Variants in PAFAH1B1 observed in about 807,000 individuals in gnomAD.
PAFAH1B1 encodes platelet activating factor acetylhydrolase 1b regulatory subunit 1.
Under a neutral mutation model 57.5 loss-of-function variants are expected in PAFAH1B1, and 2 were observed. The ratio of observed to expected loss-of-function variants is 0.03; its 90% CI spans 0.01 to 0.11. PAFAH1B1 has a LOEUF of 0.11. Ranked by LOEUF, PAFAH1B1 falls within the 10% of genes least tolerant of loss-of-function variation. The pLI is 1.00. For synonymous variants in PAFAH1B1, 152 were observed against 169.6 expected, an observed-to-expected ratio of 0.90 and a Z score of 0.81; for missense variants, 257 against 512.0, an observed-to-expected ratio of 0.50 and a Z score of 4.81.
At chr17:2,678,423 G>A (rs2069308032) in intron 9 of PAFAH1B1, among the ~76,000 whole-genome samples, 1 of 140,960 alleles carries the variant, frequency 7.1e-6, no homozygotes, top group African/African-American at 2.7e-5. Context: ...AAAAAAACCC[G>A]GGCATGGTGG....
At chr17:2,668,832 C>T (rs1026772251) in intron 5 of PAFAH1B1, among the ~76,000 whole-genome samples, 2 of 151,788 alleles carry the variant, frequency 1.3e-5, no homozygotes, top group African/African-American at 2.4e-5. Flanking sequence ...AAAAATTAGC[C>T]GGGAGTGATG....
Position 2,619,099 on chromosome 17 carries a change from T to A in PAFAH1B1, c.-190-19000T>A, listed in dbSNP as rs191042090. ...AAGAAAGCATGTCTCAAGTTCATTG[T>A]TTTAGCTGGGGTTTTTTGTTTGCTT... On this transcript the variant is annotated intron_variant, in intron 1 of 10. Coordinates refer to ENST00000397195, the MANE Select transcript of PAFAH1B1 (RefSeq NM_000430.4). Among the ~76,000 whole-genome samples, 8 of 152,166 alleles carry A rather than the reference T, an allele frequency of 5.3e-5. No homozygotes were observed. In the East Asian group the frequency reaches 1.5e-3, roughly 29 times the overall value.
chr17:2,621,838 C>T (rs1287224413), intron 1 of PAFAH1B1, among the ~76,000 whole-genome samples: 1 of 151,886 alleles, frequency 6.6e-6, no homozygotes, highest in Non-Finnish European at 1.5e-5. Context: ...TTCGTTTTCA[C>T]GTTGCTGATA....
intron 6 of PAFAH1B1, among the ~76,000 whole-genome samples, chr17:2,671,570 T>G (rs548015295): frequency 7.3e-6 from 1 of 137,038 alleles, no homozygotes; most frequent in South Asian, 2.1e-4. Context: ...TTCTAATGCA[T>G]TTTTTTTTTT....
Position 2,621,605 on chromosome 17 carries a change from G to GTTTTTT in PAFAH1B1, c.-190-16493_-190-16492insTTTTTT, listed in dbSNP as rs2068421993. Among the ~76,000 whole-genome samples, 10 of 93,208 alleles carry GTTTTTT rather than the reference G, an allele frequency of 1.1e-4. 2 individuals carry two copies. The highest frequency in any genetic ancestry group is 3.3e-4 in the African/African-American group (7 of 21,296). The allele number at this position is 93,208 out of a possible 152,430, so 61.1% of individuals were successfully genotyped here. A position where few individuals can be genotyped will look rare whatever the true frequency, so the allele number is the denominator to read the frequency against. On this transcript the variant is annotated intron_variant, in intron 1 of 10. Coordinates refer to ENST00000397195, the MANE Select transcript of PAFAH1B1 (RefSeq NM_000430.4). Reference sequence around the variant, plus strand: ...GCTATTCAAGCATGGTAGATAATCTGTCTTTTTTTTTTTTTTTTTTTTTTT... The same window carrying GTTTTTT: ...GCTATTCAAGCATGGTAGATAATCTGTTTTTTTCTTTTTTTTTTTTTTTTTTTTTTT...
chr17:2,641,241 C>G (rs2068691359), intron 2 of PAFAH1B1: 1 of 152,282 alleles, frequency 6.6e-6, no homozygotes, highest in African/African-American at 2.4e-5. Flanking sequence ...TCACTCCAAC[C>G]TCTGCCTCCC....
intron 2 of PAFAH1B1, among the ~76,000 whole-genome samples, chr17:2,643,250 A>G (rs1207627336): frequency 6.6e-6 from 1 of 151,876 alleles, no homozygotes; most frequent in Non-Finnish European, 1.5e-5. Context: ...ATGCCATGCC[A>G]CCATGCTCAG....
At chr17:2,632,189 G>C (rs750288407) in intron 1 of PAFAH1B1, among the ~76,000 whole-genome samples, 1 of 152,108 alleles carries the variant, frequency 6.6e-6, no homozygotes, top group African/African-American at 2.4e-5. Context: ...TTGGCCTCCC[G>C]AAGTCTTGGG....
chr17:2,684,907 C>T lies in PAFAH1B1; in HGVS notation c.*3105C>T, dbSNP rs902720494. 4 of 152,358 alleles carry T rather than the reference C, an allele frequency of 2.6e-5. No individual in the cohort carries two copies. The highest frequency in any genetic ancestry group is 5.9e-5 in the Non-Finnish European group (4 of 68,022). 9.4% of individuals were successfully genotyped at this position (152,358 alleles called of 1,614,324 possible). A position where few individuals can be genotyped will look rare whatever the true frequency, so the allele number is the denominator to read the frequency against. ...TCTGTGTGAACTTTCCCGGTAATAT[C>T]ACTCGTTAAATAGGTTTTCTTTAAA... On this transcript the variant is annotated 3_prime_UTR_variant, in exon 11 of 11. Coordinates refer to ENST00000397195, the MANE Select transcript of PAFAH1B1 (RefSeq NM_000430.4).
At chr17:2,670,716 G>C (rs1190809645) in intron 6 of PAFAH1B1, among the ~76,000 whole-genome samples, 1 of 152,200 alleles carries the variant, frequency 6.6e-6, no homozygotes, top group East Asian at 1.9e-4. Flanking sequence ...TAAGTGAAAT[G>C]AGCTGAGCGC....
intron 1 of PAFAH1B1, among the ~76,000 whole-genome samples, chr17:2,604,328 G>A (rs1042340373): frequency 4.6e-5 from 7 of 152,010 alleles, no homozygotes; most frequent in Non-Finnish European, 1.0e-4. Context: ...GTGAGCCACC[G>A]CACCCTGCTG....
chr17:2,633,331 C>G (rs1342459390), intron 1 of PAFAH1B1, among the ~76,000 whole-genome samples: 3 of 151,802 alleles, frequency 2.0e-5, no homozygotes, highest in Non-Finnish European at 4.4e-5. Flanking sequence ...CCACAACCAG[C>G]TAATTTTTGT....
intron 2 of PAFAH1B1, chr17:2,639,322 A>C (rs2068666385): frequency 6.6e-6 from 1 of 152,064 alleles, no homozygotes; most frequent in African/African-American, 2.4e-5. Flanking sequence ...TCTTGTTATC[A>C]CTGATGTCTT....
At position 2,683,250 on chromosome 17, in the gene PAFAH1B1, C is replaced by T. The variant is rs1160377134; in HGVS notation, c.*1448C>T. 2.0e-5 allele frequency: 3 copies of T among 152,096 alleles called. No homozygotes were observed. Among genetic ancestry groups the T allele is most frequent in the African/African-American group, 7.2e-5 (3 of 41,420 alleles). The allele number at this position is 152,096 out of a possible 1,614,324, so 9.4% of individuals were successfully genotyped here. On this transcript the variant is annotated 3_prime_UTR_variant, in exon 11 of 11. Transcript: ENST00000397195. ...GAATTTTTAGCCATGACTTTTGGAG[C>T]ACTATTCCATTGTCAGTTATTAATA...
Position 2,655,178 on chromosome 17 carries a change from CAT to C in PAFAH1B1, c.33-10189_33-10188del, listed in dbSNP as rs201487341. 4.6e-3 allele frequency among the ~76,000 whole-genome samples: 573 copies of C among 124,018 alleles called. 4 individuals are homozygous for C. The highest frequency in any genetic ancestry group is 0.014 in the African/African-American group (440 of 31,662). 81.4% of individuals were successfully genotyped at this position (124,018 alleles called of 152,430 possible). On this transcript the variant is annotated intron_variant, in intron 2 of 10. Coordinates refer to ENST00000397195, the MANE Select transcript of PAFAH1B1 (RefSeq NM_000430.4). ...TGATCATTTAAAAAATATATATATA[CAT>C]ATATGTGTGTGTGTGTGTGTGTGTG...
At chr17:2,625,126 G>C (rs1016385646) in intron 1 of PAFAH1B1, among the ~76,000 whole-genome samples, 3 of 151,770 alleles carry the variant, frequency 2.0e-5, no homozygotes, top group African/African-American at 7.3e-5. Context: ...TAGCAGATAC[G>C]TGGATATAGT....
intron 6 of PAFAH1B1, 151 bp from the exon 7 acceptor site, chr17:2,672,504 C>T: frequency 1.6e-6 from 1 of 641,998 alleles, no homozygotes; most frequent in South Asian, 1.8e-5. Flanking sequence ...TCGTGTAAAT[C>T]CAGGTTTCTT....
chr17:2,665,543 G>A, intron 3 of PAFAH1B1, 87 bp downstream of exon 3: 1 of 800,434 alleles, frequency 1.2e-6, no homozygotes, highest in South Asian at 1.4e-5. Flanking sequence ...GCACAATTTT[G>A]TCATTTGTTA....
intron 1 of PAFAH1B1, 84 bp downstream of exon 1, chr17:2,594,090 A>T (rs547008321): frequency 1.0e-5 from 4 of 390,474 alleles, no homozygotes; most frequent in Non-Finnish European, 4.5e-6. Flanking sequence ...CGGCCTGACG[A>T]TGTGGCTGCG....
Sources: allele counts gnomAD v4.1 joint callset (sites outside exome capture counted in the v4.1 genomes callset), GRCh38; gene constraint gnomAD v4.1.1; transcripts MANE v1.5; gene names NCBI Gene and HGNC (gene_info 2026-07-23, HGNC 2026-07-21).